PROM1: variants seen among roughly 807,000 people sequenced by gnomAD.
PROM1 encodes the protein prominin-1.
In PROM1, 105 loss-of-function variants were observed where a neutral mutation model predicts 116.9. That is an observed-to-expected ratio of 0.90 (90% CI 0.77 to 1.06). The LOEUF (loss-of-function observed/expected upper bound fraction) is 1.06, where lower values mean the gene tolerates loss of function less well. PROM1 is among the 50% of genes least tolerant of loss of function. The pLI is 0.00. For synonymous variants in PROM1, 393 were observed against 387.0 expected, an observed-to-expected ratio of 1.02 and a Z score of -0.18; for missense variants, 1,122 against 1,045.2, an observed-to-expected ratio of 1.07 and a Z score of -1.01.
At chr4:16,053,892 C>T (rs1010373642) in intron 2 of PROM1, among the ~76,000 whole-genome samples, 28 of 152,090 alleles carry the variant, frequency 1.8e-4, no homozygotes, top group African/African-American at 6.0e-4. Context: ...GTCAGGAGAT[C>T]AAGACCAGTG....
chr4:16,075,005 G>A (rs2149581930), intron 2 of PROM1, among the ~76,000 whole-genome samples: 1 of 152,262 alleles, frequency 6.6e-6, no homozygotes, highest in Non-Finnish European at 1.5e-5. Flanking sequence ...ATTTCCCACA[G>A]GCTATTTTTA....
In PROM1 at chr4:16,024,304, C is replaced by A. The variant is rs1730669571; in HGVS notation, c.685G>T (p.Asp229Tyr). The A allele has an allele frequency of 6.2e-7, 1 of 1,613,112 alleles. No homozygotes were observed. Residue 229 changes from aspartate (D) to tyrosine (Y), a missense_variant, in exon 7 of 28, where the codon GAT becomes TAT. Asp to Tyr is a radical substitution (Grantham distance 160). Coordinates refer to ENST00000447510, the MANE Select transcript of PROM1 (RefSeq NM_006017.3). ...YNTTKDKAFT[D>Y]LNSINSVLGG... ...TTTAAATTTTACTCACTGTTCAGAT[C>A]TGTGAACGCCTTGTCCTTGGTAGTG... is the stretch of plus-strand genomic sequence containing the variant.
chr4:16,079,075 T>C (rs978778271), intron 1 of PROM1, among the ~76,000 whole-genome samples: 4 of 110,946 alleles, frequency 3.6e-5, no homozygotes, highest in Non-Finnish European at 7.6e-5. Flanking sequence ...ACACCACATG[T>C]ACACTTTATC....
chr4:16,074,739 T>C (rs1443845849), intron 2 of PROM1, among the ~76,000 whole-genome samples: 2 of 152,174 alleles, frequency 1.3e-5, no homozygotes, highest in South Asian at 2.1e-4. Flanking sequence ...AAACTCCCCA[T>C]AATATAAACA....
chr4:15,980,945 T>TTTTATTTATTTATTTATTTA (rs1560391843), intron 23 of PROM1, among the ~76,000 whole-genome samples: 1 of 70,364 alleles, frequency 1.4e-5, no homozygotes, highest in Non-Finnish European at 3.1e-5. Flanking sequence ...TCTTATGAGT[T>TTTTATTTATTTATTTATTTA]GTTATTTATT....
At position 15,979,893 on chromosome 4, in the gene PROM1, A is replaced by G. The variant is rs1425845647; in HGVS notation, c.2501T>C (p.Ile834Thr). The G allele has an allele frequency of 2.8e-6, 4 of 1,451,282 alleles. No homozygotes were observed. The highest frequency in any genetic ancestry group is 1.4e-5 in the African/African-American group (1 of 70,568). 89.9% of individuals were successfully genotyped at this position (1,451,282 alleles called of 1,614,324 possible). A position where few individuals can be genotyped will look rare whatever the true frequency, so the allele number is the denominator to read the frequency against. Residue 834 changes from isoleucine to threonine, a missense_variant, in exon 25 of 28, where the codon ATA becomes ACA. Physicochemically the swap from Ile to Thr is moderately conservative, Grantham distance 89. Transcript: ENST00000447510. The part of the protein sequence containing the change: ...SEDVYDDVET[I>T]PMKNMENGNN... ...TAAAAAGGCTTACTTTTTCATGGGT[A>G]TAGTTTCAACACTATAAAATACAAA...
intron 26 of PROM1, among the ~76,000 whole-genome samples, chr4:15,972,339 C>T (rs968107100): frequency 3.3e-5 from 5 of 152,166 alleles, no homozygotes; most frequent in Admixed American, 1.3e-4. Flanking sequence ...CTGAAGGCCA[C>T]GAAGTCCAAG....
chr4:16,035,734 C>T lies in PROM1; in HGVS notation c.303+1G>A, dbSNP rs777673930. 2.5e-6 allele frequency: 4 copies of T among 1,613,074 alleles called. No individual in the cohort carries two copies. The Admixed American group carries it at 5.0e-5, about 20-fold the overall frequency. ...CTTGAAATAGCAGACAAGGACTTTACCTTTAGACCTAAGATTACAGTTTCT... is the reference window on the plus strand; with the variant it reads ...CTTGAAATAGCAGACAAGGACTTTATCTTTAGACCTAAGATTACAGTTTCT... On this transcript the variant is annotated splice_donor_variant, in intron 4 of 27. Coordinates refer to ENST00000447510, the MANE Select transcript of PROM1 (RefSeq NM_006017.3). LOFTEE classifies it high-confidence loss of function.
At chr4:16,024,231 T>C in intron 7 of PROM1, 64 bp downstream of exon 7, 1 of 1,405,972 alleles carries the variant, frequency 7.1e-7, no homozygotes, top group Admixed American at 1.9e-5. Flanking sequence ...TCTTAGTCCA[T>C]GTTTTATGGG....
At chr4:16,015,225 T>C (rs1344438724) in intron 10 of PROM1, among the ~76,000 whole-genome samples, 2 of 148,848 alleles carry the variant, frequency 1.3e-5, no homozygotes, top group Admixed American at 1.4e-4. Flanking sequence ...GTGTGCCTGT[T>C]ATCCCAGCTA....
chr4:15,984,168 A>G, intron 23 of PROM1, 95 bp downstream of exon 23: 1 of 1,048,460 alleles, frequency 9.5e-7, no homozygotes, highest in Non-Finnish European at 1.4e-6. Flanking sequence ...GATTCTCTCA[A>G]GCAGAAAACA....
In PROM1 at chr4:16,008,815, G is replaced by T. The variant is rs573012200; in HGVS notation, c.1301+134C>A. 1.8e-4 allele frequency: 149 copies of T among 811,786 alleles called. No homozygotes were observed. The African/African-American group carries it at 2.4e-3, about 13-fold the overall frequency. The allele number at this position is 811,786 out of a possible 1,614,324, so 50.3% of individuals were successfully genotyped here. A position where few individuals can be genotyped will look rare whatever the true frequency, so the allele number is the denominator to read the frequency against. ...CAAATTCTAATGAACATAAACTGGG[G>T]TTAACATATATCAGGTCATGGCCTC... is the stretch of plus-strand genomic sequence containing the variant. On this transcript the variant is annotated intron_variant, in intron 12 of 27. Transcript: ENST00000447510.
chr4:15,990,535 T>C (rs1215537930), intron 18 of PROM1, among the ~76,000 whole-genome samples: 1 of 152,152 alleles, frequency 6.6e-6, no homozygotes, highest in Admixed American at 6.5e-5. Context: ...AAACAACCTG[T>C]GTGCATGGGC....
chr4:15,972,285 G>T (rs1338789316), intron 26 of PROM1, among the ~76,000 whole-genome samples: 3 of 152,198 alleles, frequency 2.0e-5, no homozygotes, highest in Non-Finnish European at 2.9e-5. Context: ...CAGAATATCA[G>T]AGACTGGGTA....
chr4:16,001,870 T>A (rs1008901517), intron 13 of PROM1, among the ~76,000 whole-genome samples: 1 of 151,872 alleles, frequency 6.6e-6, no homozygotes, highest in South Asian at 2.1e-4. Context: ...CCTGGTTAAG[T>A]ATTGAGTGAA....
chr4:16,030,977 C>A (rs1268250821), intron 5 of PROM1, among the ~76,000 whole-genome samples: 1 of 152,008 alleles, frequency 6.6e-6, no homozygotes, highest in Non-Finnish European at 1.5e-5. Flanking sequence ...ACCCGGGAGG[C>A]GGAGGTTGGA....
chr4:16,038,797 GGT>G (rs1396482905), intron 3 of PROM1, 147 bp downstream of exon 3: 7 of 730,538 alleles, frequency 9.6e-6, no homozygotes, highest in Non-Finnish European at 1.4e-5. Flanking sequence ...TTTGTAAGGT[GGT>G]TCAATATTCC....
chr4:16,035,625 G>T, intron 4 of PROM1, 110 bp downstream of exon 4: 2 of 1,085,302 alleles, frequency 1.8e-6, no homozygotes, highest in Non-Finnish European at 2.8e-6. Flanking sequence ...TAAAAGTGAT[G>T]GTAAAAACAG....
At chr4:15,980,141 A>C in intron 24 of PROM1, 1 of 584,686 alleles carries the variant, frequency 1.7e-6, no homozygotes, top group Non-Finnish European at 3.0e-6. Flanking sequence ...ATAAAGTGAA[A>C]TGCCAGGTCC....
Sources: gnomAD v4.1 joint callset for allele counts (sites outside exome capture counted in the v4.1 genomes callset) on GRCh38, gnomAD v4.1.1 for gene constraint, MANE v1.5 for transcripts, NCBI Gene and HGNC (gene_info 2026-07-23, HGNC 2026-07-21) for gene names.